Variants in B3GALT1 observed in about 807,000 individuals in gnomAD.
B3GALT1 encodes beta-1,3-galactosyltransferase 1, also known as UDP-Gal:betaGlcNAc beta 1,3-galactosyltransferase, polypeptide 1.
Under a neutral mutation model 23.2 loss-of-function variants are expected in B3GALT1, and 10 were observed. The ratio of observed to expected loss-of-function variants is 0.43; its 90% CI spans 0.27 to 0.73. B3GALT1 has a LOEUF of 0.73. B3GALT1 is among the 30% of genes least tolerant of loss of function. B3GALT1 has a pLI of 0.21. For missense variants in B3GALT1, 299 were observed against 405.4 expected (o/e 0.74, Z 2.25); for synonymous variants, 156 against 141.5 (o/e 1.10, Z -0.73).
At chr2:167,522,637 A>G (rs1007165014) in intron 2 of B3GALT1, among the ~76,000 whole-genome samples, 6 of 152,314 alleles carry the variant, frequency 3.9e-5, no homozygotes, top group Middle Eastern at 6.8e-3. Context: ...ACTGCTAATT[A>G]GCAACTTTTA....
chr2:167,550,983 C>T (rs1472118132), intron 2 of B3GALT1, among the ~76,000 whole-genome samples: 1 of 152,124 alleles, frequency 6.6e-6, no homozygotes, highest in Admixed American at 6.5e-5. Context: ...TCTAGTGATC[C>T]TGCCATCCCC....
In B3GALT1 at chr2:167,338,450, C is replaced by T. The variant is rs117170793; in HGVS notation, c.-511+45116C>T. Reference sequence around the variant, plus strand: ...CCATAATTTTGAAGACAAACAGATACATGGTCAGAGAACAAATAGATGACT... The same window carrying T: ...CCATAATTTTGAAGACAAACAGATATATGGTCAGAGAACAAATAGATGACT... On this transcript the variant is annotated intron_variant, in intron 1 of 4. Coordinates refer to ENST00000392690, the MANE Select transcript of B3GALT1 (RefSeq NM_020981.4). Among the ~76,000 whole-genome samples, 25 of 144,480 alleles carry T rather than the reference C, an allele frequency of 1.7e-4. No homozygotes were observed. In the East Asian group the frequency reaches 4.8e-3, roughly 28 times the overall value. 94.8% of individuals were successfully genotyped at this position (144,480 alleles called of 152,430 possible).
At chr2:167,440,021 G>A (rs1698853862) in intron 1 of B3GALT1, among the ~76,000 whole-genome samples, 1 of 151,736 alleles carries the variant, frequency 6.6e-6, no homozygotes, top group African/African-American at 2.4e-5. Context: ...TTGGATTTTT[G>A]TTTTGTTTTA....
intron 4 of B3GALT1, among the ~76,000 whole-genome samples, chr2:167,829,788 C>T (rs1689307154): frequency 1.3e-5 from 2 of 152,064 alleles, no homozygotes; most frequent in Admixed American, 1.3e-4. Flanking sequence ...GAGAATAGTC[C>T]TCTGAGATGC....
chr2:167,764,419 G>A (rs1435265495), intron 3 of B3GALT1, among the ~76,000 whole-genome samples: 1 of 152,206 alleles, frequency 6.6e-6, no homozygotes, highest in Non-Finnish European at 1.5e-5. Flanking sequence ...TGCATATTCA[G>A]TGTAGGTATG....
At chr2:167,483,412 CAAAT>C (rs1190563567) in intron 1 of B3GALT1, among the ~76,000 whole-genome samples, 1 of 152,098 alleles carries the variant, frequency 6.6e-6, no homozygotes, top group Non-Finnish European at 1.5e-5. Context: ...AATCAAAACA[CAAAT>C]AAGAATATTC....
At chr2:167,682,631 T>G (rs1338252644) in intron 3 of B3GALT1, among the ~76,000 whole-genome samples, 1 of 152,226 alleles carries the variant, frequency 6.6e-6, no homozygotes, top group African/African-American at 2.4e-5. Flanking sequence ...CTGATTCTGA[T>G]GAGTAGAGGT....
At chr2:167,406,460 T>C (rs908275455) in intron 1 of B3GALT1, among the ~76,000 whole-genome samples, 1 of 152,042 alleles carries the variant, frequency 6.6e-6, no homozygotes, top group Non-Finnish European at 1.5e-5. Flanking sequence ...AGTAAAAGAA[T>C]CCAGACTCCC....
chr2:167,437,929 A>G (rs997782082), intron 1 of B3GALT1, among the ~76,000 whole-genome samples: 3 of 152,202 alleles, frequency 2.0e-5, no homozygotes, highest in African/African-American at 7.2e-5. Flanking sequence ...CTGTTAAGGT[A>G]GACCCATTGA....
At chr2:167,304,614 T>A (rs1459920253) in intron 1 of B3GALT1, among the ~76,000 whole-genome samples, 3 of 151,834 alleles carry the variant, frequency 2.0e-5, no homozygotes, top group African/African-American at 4.8e-5. Context: ...AGTATGTGTA[T>A]GTGAGCATAC....
chr2:167,667,106 G>A (rs1473544525), intron 3 of B3GALT1, among the ~76,000 whole-genome samples: 1 of 152,034 alleles, frequency 6.6e-6, no homozygotes, highest in African/African-American at 2.4e-5. Context: ...TCCCTTCCAT[G>A]TTTAGCACTT....
intron 3 of B3GALT1, among the ~76,000 whole-genome samples, chr2:167,806,747 G>A (rs1470546138): frequency 6.6e-6 from 1 of 152,190 alleles, no homozygotes; most frequent in African/African-American, 2.4e-5. Context: ...TTGCATCGAT[G>A]TACATCAGGG....
At chr2:167,591,840 A>G (rs1233170417) in intron 2 of B3GALT1, among the ~76,000 whole-genome samples, 1 of 152,060 alleles carries the variant, frequency 6.6e-6, no homozygotes, top group Non-Finnish European at 1.5e-5. Flanking sequence ...AGAGAGGGAC[A>G]AGGTCAGAGG....
chr2:167,433,830 G>A (rs1698739039), intron 1 of B3GALT1, among the ~76,000 whole-genome samples: 1 of 152,170 alleles, frequency 6.6e-6, no homozygotes, highest in Non-Finnish European at 1.5e-5. Context: ...GGAGGCTGAG[G>A]TGGGAAGAGA....
In B3GALT1 at chr2:167,825,455, TGCGTGCAC is replaced by T. The variant is rs1452765674; in HGVS notation, c.-230+6664_-230+6671del. 6.5e-3 allele frequency among the ~76,000 whole-genome samples: 947 copies of T among 146,710 alleles called. 15 individuals carry two copies. Among genetic ancestry groups the T allele is most frequent in the African/African-American group, 0.022 (893 of 39,704 alleles). Reference sequence around the variant, plus strand: ...ATGCAGGGGTGTGTGTGTGTGTGTGTGCGTGCACGTGTGTGTGTGTGTTATATATAAAT... The same window carrying T: ...ATGCAGGGGTGTGTGTGTGTGTGTGTGTGTGTGTGTGTGTTATATATAAAT... On this transcript the variant is annotated intron_variant, in intron 4 of 4. Coordinates refer to ENST00000392690, the MANE Select transcript of B3GALT1 (RefSeq NM_020981.4).
At chr2:167,803,414 TAAA>T (rs1210071578) in intron 3 of B3GALT1, among the ~76,000 whole-genome samples, 1 of 152,168 alleles carries the variant, frequency 6.6e-6, no homozygotes, top group African/African-American at 2.4e-5. Flanking sequence ...TTTACAAAAA[TAAA>T]AACTTGCTGT....
chr2:167,446,064 G>A (rs756555128), intron 1 of B3GALT1, among the ~76,000 whole-genome samples: 7 of 152,154 alleles, frequency 4.6e-5, no homozygotes, highest in Non-Finnish European at 8.8e-5. Context: ...ACCTGGTGGT[G>A]ACAAAATCTC....
intron 2 of B3GALT1, among the ~76,000 whole-genome samples, chr2:167,566,061 T>C (rs766693968): frequency 2.0e-4 from 30 of 152,194 alleles, no homozygotes; most frequent in South Asian, 4.1e-4. Context: ...CATATGTTTA[T>C]TGCGGCACTA....
chr2:167,652,909 C>A lies in B3GALT1; in HGVS notation c.-352+5943C>A, dbSNP rs751846662. Among the ~76,000 whole-genome samples, 8 of 152,092 alleles carry A rather than the reference C, an allele frequency of 5.3e-5. No individual in the cohort carries two copies. In the South Asian group the frequency reaches 1.7e-3, roughly 32 times the overall value. On this transcript the variant is annotated intron_variant, in intron 3 of 4. Transcript: ENST00000392690. ...TTAAAAAGTCATACCATAAGAAAAA[C>A]GAAGTTGTTTGTGTATTTATATGGA...
Sources: gnomAD v4.1 joint callset for allele counts (sites outside exome capture counted in the v4.1 genomes callset) on GRCh38, gnomAD v4.1.1 for gene constraint, MANE v1.5 for transcripts, NCBI Gene and HGNC (gene_info 2026-07-23, HGNC 2026-07-21) for gene names.